Variants in GMDS observed in about 807,000 individuals in gnomAD.
GMDS encodes the protein GDP-mannose 4,6-dehydratase.
GMDS carries 20 observed loss-of-function variants against 49.9 expected under a neutral mutation model. The ratio of observed to expected loss-of-function variants is 0.40; its 90% confidence interval spans 0.28 to 0.58. GMDS has a LOEUF of 0.58. Among genes scored for constraint, GMDS ranks in the 20% least tolerant of loss-of-function variants. The pLI is 0.42. For missense variants in GMDS, 362 were observed against 481.4 expected (o/e 0.75, Z 2.32); for synonymous variants, 177 against 178.6 (o/e 0.99, Z 0.07).
intron 7 of GMDS, among the ~76,000 whole-genome samples, chr6:1,853,334 C>T (rs1977262): frequency 0.27 from 39,792 of 150,056 alleles, 5,246 homozygotes; most frequent in Middle Eastern, 0.3. Flanking sequence ...CTGGCTAAAA[C>T]GGTGAAACCC....
intron 4 of GMDS, among the ~76,000 whole-genome samples, chr6:2,113,005 C>T (rs1464829045): frequency 2.0e-5 from 3 of 152,178 alleles, no homozygotes; most frequent in African/African-American, 4.8e-5. Context: ...GAATATACAG[C>T]TCTGTACCCT....
intron 4 of GMDS, among the ~76,000 whole-genome samples, chr6:2,085,720 G>A (rs9391944): frequency 0.21 from 31,691 of 151,928 alleles, 3,612 homozygotes; most frequent in Non-Finnish European, 0.24. Context: ...TAGAAACAGG[G>A]TCTCACTATG....
At chr6:1,678,562 G>T (rs1764693373) in intron 9 of GMDS, among the ~76,000 whole-genome samples, 1 of 152,062 alleles carries the variant, frequency 6.6e-6, no homozygotes, top group Non-Finnish European at 1.5e-5. Context: ...AATCAGAAGT[G>T]AGTTCAATGG....
chr6:1,959,812 CTTG>C (rs374243150), intron 6 of GMDS, 52 bp downstream of exon 6: 52 of 1,039,606 alleles, frequency 5.0e-5, no homozygotes, highest in Middle Eastern at 2.0e-4. Context: ...AGACATGCAA[CTTG>C]TTGTTGTTGT....
intron 1 of GMDS, among the ~76,000 whole-genome samples, chr6:2,175,542 G>C (rs1056437635): frequency 2.6e-5 from 4 of 152,188 alleles, no homozygotes; most frequent in Admixed American, 2.6e-4. Context: ...CTATACCTCA[G>C]CTTGGGAAGA....
Position 1,624,226 on chromosome 6 carries a change from C to G in GMDS, c.1062G>C (p.Leu354=). Reference sequence around the variant, plus strand: ...CGTCGGCGTGCACCATCTCCCTCACCAGCTCCTGCAACACAGGGGTGGGCG... The same window carrying G: ...CGTCGGCGTGCACCATCTCCCTCACGAGCTCCTGCAACACAGGGGTGGGCG... ...NWKPRVAFDE[L]VREMVHADVE... Residue 354 remains leucine (L), a synonymous_variant, in exon 11 of 11, where the codon CTG becomes CTC. Coordinates refer to ENST00000380815, the MANE Select transcript of GMDS (RefSeq NM_001500.4). 6.2e-7 allele frequency: 1 copy of G among 1,611,240 alleles called. No homozygotes were observed. Among genetic ancestry groups the G allele is most frequent in the Admixed American group, 1.7e-5 (1 of 60,014 alleles).
chr6:1,779,641 G>T (rs755925775), intron 7 of GMDS, among the ~76,000 whole-genome samples: 10 of 152,176 alleles, frequency 6.6e-5, no homozygotes, highest in Non-Finnish European at 1.3e-4. Context: ...AAGCGCTCTT[G>T]TGTTTCCCAT....
At chr6:1,876,182 C>T (rs907770039) in intron 7 of GMDS, among the ~76,000 whole-genome samples, 2 of 151,788 alleles carry the variant, frequency 1.3e-5, no homozygotes, top group East Asian at 1.9e-4. Context: ...CGCTTGAACC[C>T]GGCAGGCAGA....
intron 1 of GMDS, among the ~76,000 whole-genome samples, chr6:2,238,502 A>C (rs1781473781): frequency 6.6e-6 from 1 of 152,162 alleles, no homozygotes; most frequent in Admixed American, 6.5e-5. Context: ...TACTTTTACT[A>C]TTCTCATTCA....
chr6:1,757,591 A>C (rs1014544942), intron 7 of GMDS, among the ~76,000 whole-genome samples: 1 of 152,186 alleles, frequency 6.6e-6, no homozygotes, highest in Non-Finnish European at 1.5e-5. Flanking sequence ...CAAGCTAGTC[A>C]TCCTGAGCAC....
chr6:2,219,718 A>T (rs574342297), intron 1 of GMDS, among the ~76,000 whole-genome samples: 112 of 152,330 alleles, frequency 7.4e-4, no homozygotes, highest in Non-Finnish European at 1.2e-3. Flanking sequence ...CTGGGCACCA[A>T]CTTAAACCAG....
In GMDS at chr6:1,817,184, C is replaced by T. The variant is rs572642615; in HGVS notation, c.772-74598G>A. 8.1e-4 allele frequency among the ~76,000 whole-genome samples: 123 copies of T among 151,672 alleles called. 1 individual carries two copies. The highest frequency in any genetic ancestry group is 2.9e-3 in the African/African-American group (119 of 41,314). The stretch of plus-strand genomic sequence containing the variant: ...TAGATTGCAATCTAGAACATGCCTT[C>T]CTGTTCTAATACAAATGGGTCTGCA... On this transcript the variant is annotated intron_variant, in intron 7 of 10. Transcript: ENST00000380815.
intron 7 of GMDS, among the ~76,000 whole-genome samples, chr6:1,866,391 G>GA (rs1009790033): frequency 5.9e-5 from 9 of 152,100 alleles, no homozygotes; most frequent in African/African-American, 9.7e-5. Flanking sequence ...TTACAGAGGG[G>GA]AAAAAAGGCT....
At chr6:2,152,198 A>G (rs890790751) in intron 1 of GMDS, among the ~76,000 whole-genome samples, 3 of 152,210 alleles carry the variant, frequency 2.0e-5, no homozygotes, top group Non-Finnish European at 4.4e-5. Context: ...TATTAAATAC[A>G]AAACTAAACT....
At chr6:1,852,829 C>A (rs965297950) in intron 7 of GMDS, among the ~76,000 whole-genome samples, 4 of 151,906 alleles carry the variant, frequency 2.6e-5, no homozygotes, top group Non-Finnish European at 5.9e-5. Context: ...GCCTCAGCCT[C>A]CTGAGTAGCT....
intron 4 of GMDS, among the ~76,000 whole-genome samples, chr6:2,070,823 C>G (rs1432949960): frequency 1.3e-5 from 2 of 152,182 alleles, no homozygotes; most frequent in Non-Finnish European, 2.9e-5. Flanking sequence ...TTCCTGAACA[C>G]AGATATGTCC....
intron 1 of GMDS, among the ~76,000 whole-genome samples, chr6:2,206,212 C>A (rs1487320015): frequency 6.6e-6 from 1 of 151,936 alleles, no homozygotes; most frequent in Non-Finnish European, 1.5e-5. Context: ...GAGCCAAGAT[C>A]ACACCATTGC....
chr6:2,244,531 G>A (rs1285501320), intron 1 of GMDS, among the ~76,000 whole-genome samples: 5 of 152,124 alleles, frequency 3.3e-5, no homozygotes, highest in Non-Finnish European at 7.3e-5. Context: ...GTAAGACACA[G>A]CGGTCGGATC....
chr6:2,171,965 C>G (rs1354961587), intron 1 of GMDS, among the ~76,000 whole-genome samples: 4 of 152,042 alleles, frequency 2.6e-5, no homozygotes. Flanking sequence ...CTCACGTGGC[C>G]GGCTAATCTG....
Sources: gnomAD v4.1 joint callset for allele counts (sites outside exome capture counted in the v4.1 genomes callset) on GRCh38, gnomAD v4.1.1 for gene constraint, MANE v1.5 for transcripts, NCBI Gene and HGNC (gene_info 2026-07-23, HGNC 2026-07-21) for gene names.